The following KIF26A variants were observed in gnomAD, a reference collection of about 807,000 sequenced individuals.
KIF26A encodes kinesin-like protein KIF26A.
KIF26A carries 74 observed loss-of-function variants against 126.0 expected under a neutral mutation model. The observed-to-expected ratio is 0.59, with a 90% CI of 0.49 to 0.71. The LOEUF is 0.71. Among genes scored for constraint, KIF26A ranks in the 30% least tolerant of loss-of-function variants. The pLI is 0.00. For synonymous variants in KIF26A, 1,445 were observed against 1,232.7 expected, an observed-to-expected ratio of 1.17 and a Z score of -3.61; for missense variants, 2,984 against 2,763.3, an observed-to-expected ratio of 1.08 and a Z score of -1.79.
rs1243146589 is a variant in KIF26A, at chr14:104,178,571, T to A, written c.5132T>A (p.Ile1711Asn). Reference protein sequence around the residue: ...RATGLQRRRLIPAPLPDTTAL... With the variant: ...RATGLQRRRLNPAPLPDTTAL... ...CCAGGTCTGCAGCGGCGGCGCCTGA[T>A]TCCCGCCCCACTGCCCGACACCACT... Residue 1711 changes from isoleucine to asparagine, a missense_variant, in exon 13 of 15, where the codon ATT (isoleucine) becomes AAT (asparagine). Coordinates refer to ENST00000423312, the MANE Select transcript of KIF26A (RefSeq NM_015656.2). 6.7e-7 allele frequency: 1 copy of A among 1,486,526 alleles called. No homozygotes were observed. Among genetic ancestry groups the A allele is most frequent in the African/African-American group, 1.4e-5 (1 of 70,506 alleles). The allele number at this position is 1,486,526 out of a possible 1,614,324, so 92.1% of individuals were successfully genotyped here.
intron 5 of KIF26A, among the ~76,000 whole-genome samples, chr14:104,171,369 C>T (rs1278968583): frequency 6.6e-6 from 1 of 152,248 alleles, no homozygotes; most frequent in Non-Finnish European, 1.5e-5. Flanking sequence ...GGCCATGCTC[C>T]TCCCTCCTGC....
In KIF26A at chr14:104,177,761, G is replaced by C. The variant is rs1422594710; in HGVS notation, c.4973G>C (p.Ser1658Thr). ...CTTTTCCACCACAGCGGTGGCAGCA[G>C]TGGCTATGAGAGCCTGCGGCGCGAC... ...TALFHHSGGS[S>T]GYESLRRDSE... The change falls in exon 12 of 15, where the codon AGT (serine) becomes ACT (threonine). Residue 1658 changes from serine (S) to threonine (T), a missense_variant. Ser to Thr is a moderately conservative substitution (Grantham distance 58). Coordinates refer to ENST00000423312, the MANE Select transcript of KIF26A (RefSeq NM_015656.2). 1 of 1,547,402 alleles carries C rather than the reference G, an allele frequency of 6.5e-7. No individual in the cohort carries two copies. Among genetic ancestry groups the C allele is most frequent in the Non-Finnish European group, 8.7e-7 (1 of 1,153,742 alleles).
chr14:104,173,085 C>A lies in KIF26A; in HGVS notation c.1529C>A (p.Thr510Lys), dbSNP rs199503701. The change falls in exon 8 of 15, where the codon ACG becomes AAG. Residue 510 changes from threonine to lysine, a missense_variant. Thr to Lys is a moderately conservative substitution (Grantham distance 78, BLOSUM62 -1). Coordinates refer to ENST00000423312, the MANE Select transcript of KIF26A (RefSeq NM_015656.2). Reference sequence around the variant, plus strand: ...CTCATCGAGGAGCGCAGGGAGAGGACGGGCACCCGCTTCTCCGTCCGGGTC... The same window carrying A: ...CTCATCGAGGAGCGCAGGGAGAGGAAGGGCACCCGCTTCTCCGTCCGGGTC... Reference protein sequence around the residue: ...FRLIEERRERTGTRFSVRVSA... With the variant: ...FRLIEERRERKGTRFSVRVSA... 2.5e-6 allele frequency: 4 copies of A among 1,604,098 alleles called. No homozygotes were observed.
chr14:104,152,582 C>T lies in KIF26A; in HGVS notation c.735+121C>T, dbSNP rs919231493. ...AGGCTTCCCTGAAGGGAGGGGACGG[C>T]GGGCATGGGGGTTCCTGACACTCCT... On this transcript the variant is annotated intron_variant, in intron 3 of 14. Coordinates refer to ENST00000423312, the MANE Select transcript of KIF26A (RefSeq NM_015656.2). The surrounding 1 kb of genome is among the most constrained non-coding windows in gnomAD (Gnocchi z 5.9). 4.5e-5 allele frequency: 41 copies of T among 903,354 alleles called. No homozygotes were observed. The Admixed American group carries it at 5.8e-4, about 13-fold the overall frequency. The allele number at this position is 903,354 out of a possible 1,614,324, so 56.0% of individuals were successfully genotyped here.
rs775945806 is a variant in KIF26A, at chr14:104,152,094, G to A, written c.368G>A (p.Arg123His). 2.1e-5 allele frequency: 34 copies of A among 1,612,402 alleles called. No individual in the cohort carries two copies. In the South Asian group the frequency reaches 2.2e-4, roughly 10 times the overall value. The change falls in exon 3 of 15, where the codon CGC becomes CAC. Residue 123 changes from arginine (R) to histidine (H), a missense_variant. Physicochemically the swap from Arg to His is conservative, Grantham distance 29. Transcript: ENST00000423312. The surrounding 1 kb of genome is among the most constrained non-coding windows in gnomAD (Gnocchi z 5.9). ...ALPACRPEAE[R>H]RCDVCATHLQ... ...CCAGCCTGTCGCCCAGAGGCCGAGC[G>A]CCGCTGTGACGTCTGCGCCACACAC...
Position 104,173,487 on chromosome 14 carries a change from G to A in KIF26A, c.1841G>A (p.Arg614His), listed in dbSNP as rs776942586. The A allele has an allele frequency of 2.1e-5, 33 of 1,572,606 alleles. No homozygotes were observed. The highest frequency in any genetic ancestry group is 1.7e-4 in the Middle Eastern group (1 of 5,942). ...MLFTLHVYQY[R>H]MEKCGRGGMS... ...TTCACGCTGCACGTCTACCAGTACC[G>A]CATGGAGAAGTGCGGCCGGGGAGGA... Residue 614 changes from arginine to histidine, a missense_variant, in exon 9 of 15, where the codon CGC becomes CAC. Physicochemically the swap from Arg to His is conservative, Grantham distance 29. Transcript: ENST00000423312.
chr14:104,174,092 C>A, intron 10 of KIF26A, 56 bp from the exon 11 acceptor site: 1 of 1,475,306 alleles, frequency 6.8e-7, no homozygotes, highest in Non-Finnish European at 9.0e-7. Context: ...CTTGGCCAGC[C>A]TGTCCCCGAA....
chr14:104,153,156 C>T (rs2037745943), intron 3 of KIF26A, among the ~76,000 whole-genome samples: 1 of 152,162 alleles, frequency 6.6e-6, no homozygotes, highest in South Asian at 2.1e-4. Context: ...CCCTTGCCTT[C>T]TGGGCTTTCG....
intron 14 of KIF26A, 86 bp from the exon 15 acceptor site, chr14:104,179,523 C>T: frequency 7.0e-7 from 1 of 1,437,950 alleles, no homozygotes; most frequent in Non-Finnish European, 9.2e-7. Context: ...GCCAAGATGC[C>T]TTTCCTGGGG....
intron 2 of KIF26A, among the ~76,000 whole-genome samples, chr14:104,144,855 G>A (rs2037667256): frequency 6.6e-6 from 1 of 152,260 alleles, no homozygotes; most frequent in Admixed American, 6.5e-5. Context: ...AAAGTGGACT[G>A]ACCGTGCCTT....
chr14:104,150,574 GGGC>G (rs2037719868), intron 2 of KIF26A, among the ~76,000 whole-genome samples: 1 of 152,082 alleles, frequency 6.6e-6, no homozygotes, highest in Non-Finnish European at 1.5e-5. Flanking sequence ...AGCCAGCCAA[GGGC>G]AGGCTCAAGG....
Position 104,176,923 on chromosome 14 carries a change from T to C in KIF26A, c.4135T>C (p.Ser1379Pro). 2.0e-6 allele frequency: 3 copies of C among 1,535,584 alleles called. No individual in the cohort carries two copies. Among genetic ancestry groups the C allele is most frequent in the Non-Finnish European group, 2.6e-6 (3 of 1,145,294 alleles). ...CCTGGAGCAGAGGAGCAGCCCGGCC[T>C]CGGCCCCTCCGCATGCTGTGAACCC... The part of the protein sequence containing the change: ...SSLEQRSSPA[S>P]APPHAVNPAR... The change falls in exon 12 of 15, where the codon TCG (serine) becomes CCG (proline). Residue 1379 changes from serine to proline, a missense_variant. Ser to Pro is a moderately conservative substitution (Grantham distance 74). Transcript: ENST00000423312.
At position 104,141,646 on chromosome 14, in the gene KIF26A, G is replaced by A. The variant is rs181877240; in HGVS notation, c.288+2358G>A. Among the ~76,000 whole-genome samples the A allele has an allele frequency of 4.1e-3, 607 of 147,942 alleles. 7 individuals carry two copies. The highest frequency in any genetic ancestry group is 0.015 in the African/African-American group (568 of 37,590). Reference sequence around the variant, plus strand: ...GCCTGTCTCCGTTGTAGAGGGAGGCGTAGAGGGTCGGGGCCCAGCCTGCCG... The same window carrying A: ...GCCTGTCTCCGTTGTAGAGGGAGGCATAGAGGGTCGGGGCCCAGCCTGCCG... On this transcript the variant is annotated intron_variant, in intron 2 of 14. Transcript: ENST00000423312.
chr14:104,169,371 G>GC (rs1252468775), intron 5 of KIF26A, among the ~76,000 whole-genome samples: 1 of 152,216 alleles, frequency 6.6e-6, no homozygotes, highest in East Asian at 1.9e-4. Context: ...TTTTCCCAGC[G>GC]CCCCGCGTTT....
In KIF26A at chr14:104,179,959, G is replaced by A. The variant is rs867358129; in HGVS notation, c.*169G>A. ...GTGGGGGAGGGAGGGCCGGCCACGC[G>A]GTGGACAGAGCGAGGGTGCCAGGGT... On this transcript the variant is annotated 3_prime_UTR_variant, in exon 15 of 15. Coordinates refer to ENST00000423312, the MANE Select transcript of KIF26A (RefSeq NM_015656.2). The A allele has an allele frequency of 2.1e-4, 146 of 710,446 alleles. No homozygotes were observed. Among genetic ancestry groups the A allele is most frequent in the African/African-American group, 6.9e-4 (38 of 55,188 alleles). 44.0% of individuals were successfully genotyped at this position (710,446 alleles called of 1,614,324 possible).
At chr14:104,178,124 C>G (rs1653980356) in intron 12 of KIF26A, among the ~76,000 whole-genome samples, 1 of 152,256 alleles carries the variant, frequency 6.6e-6, no homozygotes, top group African/African-American at 2.4e-5. Flanking sequence ...TTGCCCTTCT[C>G]TGGCCCCACC....
At chr14:104,178,812 G>A in intron 13 of KIF26A, 57 bp downstream of exon 13, 1 of 1,027,832 alleles carries the variant, frequency 9.7e-7, no homozygotes, top group Non-Finnish European at 1.4e-6. Flanking sequence ...TGCCGCGGAT[G>A]GCAGAGTGAG....
At chr14:104,171,472 C>T (rs1288832822) in intron 5 of KIF26A, among the ~76,000 whole-genome samples, 3 of 152,206 alleles carry the variant, frequency 2.0e-5, no homozygotes, top group Non-Finnish European at 4.4e-5. Context: ...TTCTCTGTGC[C>T]GCACATTCGG....
chr14:104,166,578 G>A (rs550204414), intron 4 of KIF26A, among the ~76,000 whole-genome samples: 1 of 152,296 alleles, frequency 6.6e-6, no homozygotes, highest in Admixed American at 6.5e-5. Context: ...ATTCAGTGCA[G>A]AGCACAGGGA....
Sources: allele counts gnomAD v4.1 joint callset (sites outside exome capture counted in the v4.1 genomes callset), GRCh38; gene constraint gnomAD v4.1.1; non-coding constraint Gnocchi (gnomAD v3.1); transcripts MANE v1.5; gene names NCBI Gene and HGNC (gene_info 2026-07-23, HGNC 2026-07-21).